VPS13D: variants seen among roughly 807,000 people sequenced by gnomAD.
VPS13D encodes vacuolar protein sorting 13 homolog D.
In VPS13D, 187 loss-of-function variants were observed where a neutral mutation model predicts 461.9. That is an observed-to-expected ratio of 0.40 (90% CI 0.36 to 0.46). The LOEUF (loss-of-function observed/expected upper bound fraction) is 0.46, where lower values mean the gene tolerates loss of function less well. VPS13D is among the 20% of genes least tolerant of loss of function. The pLI is 0.60. For missense variants in VPS13D, 4,711 were observed against 5,364.9 expected, an observed-to-expected ratio of 0.88 and a Z score of 3.81; for synonymous variants, 1,951 against 1,986.3, an observed-to-expected ratio of 0.98 and a Z score of 0.47.
chr1:12,343,748 C>T (rs149716090), intron 42 of VPS13D, among the ~76,000 whole-genome samples: 1,746 of 152,304 alleles, frequency 0.011, 22 homozygotes, highest in Non-Finnish European at 0.015. Flanking sequence ...ATTTATTTGA[C>T]ATATGAGGTG....
At chr1:12,297,289 A>G (rs1642304186) in intron 24 of VPS13D, among the ~76,000 whole-genome samples, 1 of 152,186 alleles carries the variant, frequency 6.6e-6, no homozygotes, top group Non-Finnish European at 1.5e-5. Flanking sequence ...TAAGAGTATC[A>G]GTTATACCAG....
chr1:12,369,542 G>A lies in VPS13D; in HGVS notation c.10648G>A (p.Asp3550Asn). Reference sequence around the variant, plus strand: ...TGAAGTGAAGCCCATGACTTCATTGGATTATGCCTGGGACGAACCCACCTT... The same window carrying A: ...TGAAGTGAAGCCCATGACTTCATTGAATTATGCCTGGGACGAACCCACCTT... Reference protein sequence around the residue: ...RTEVKPMTSLDYAWDEPTLPP... With the variant: ...RTEVKPMTSLNYAWDEPTLPP... The change falls in exon 54 of 70, where the codon GAT (aspartate) becomes AAT (asparagine). Residue 3550 changes from aspartate to asparagine, a missense_variant. Asp to Asn is a conservative substitution (Grantham distance 23, BLOSUM62 1). Transcript: ENST00000620676. The A allele has an allele frequency of 6.2e-7, 1 of 1,614,130 alleles. No homozygotes were observed. The highest frequency in any genetic ancestry group is 8.5e-7 in the Non-Finnish European group (1 of 1,180,044).
intron 5 of VPS13D, among the ~76,000 whole-genome samples, chr1:12,247,927 G>C (rs550034520): frequency 1.5e-4 from 23 of 150,152 alleles, no homozygotes; most frequent in Non-Finnish European, 2.8e-4. Flanking sequence ...CTGTTGCCCA[G>C]GCTGGAGTGC....
At chr1:12,294,286 A>AT (rs1351857083) in intron 24 of VPS13D, among the ~76,000 whole-genome samples, 1 of 152,258 alleles carries the variant, frequency 6.6e-6, no homozygotes, top group African/African-American at 2.4e-5. Context: ...CCTGTTAGGT[A>AT]TTGCATAACT....
intron 27 of VPS13D, 126 bp from the exon 28 acceptor site, chr1:12,311,328 T>C (rs1642742730): frequency 3.7e-6 from 3 of 805,066 alleles, no homozygotes; most frequent in Non-Finnish European, 5.5e-6. Context: ...TTTTTGTCAT[T>C]GGAAGTAGGA....
chr1:12,442,454 G>A (rs1645142825), intron 65 of VPS13D, among the ~76,000 whole-genome samples: 1 of 152,202 alleles, frequency 6.6e-6, no homozygotes, highest in Middle Eastern at 3.4e-3. Flanking sequence ...CTTATATTGT[G>A]TGTTTCAACA....
Position 12,244,554 on chromosome 1 carries a change from A to T in VPS13D, c.384A>T (p.Lys128Asn). Residue 128 changes from lysine to asparagine, a missense_variant, in exon 5 of 70, where the codon AAA becomes AAT. Physicochemically the swap from Lys to Asn is moderately conservative, Grantham distance 94 (BLOSUM62 0). This residue lies in a region of VPS13D where 4,411 missense variants were observed against 4,937.8 expected (regional missense o/e 0.89). Transcript: ENST00000620676. ...CTTTGTAGAATGACCGCCAGCAGAAAGGGGAGTCCTATTGGTATTCAGTTA... is the reference window on the plus strand; with the variant it reads ...CTTTGTAGAATGACCGCCAGCAGAATGGGGAGTCCTATTGGTATTCAGTTA... ...EEKWKNDRQQ[K>N]GESYWYSVTA... 6.2e-7 allele frequency: 1 copy of T among 1,614,228 alleles called. No homozygotes were observed. The highest frequency in any genetic ancestry group is 1.1e-5 in the South Asian group (1 of 91,080).
intron 35 of VPS13D, 109 bp downstream of exon 35, chr1:12,323,889 G>C: frequency 8.8e-7 from 1 of 1,141,196 alleles, no homozygotes; most frequent in Non-Finnish European, 1.3e-6. Context: ...TGTGTTTGGA[G>C]GACGCTTTAT....
chr1:12,441,075 G>A (rs1048985090), intron 65 of VPS13D, among the ~76,000 whole-genome samples: 17 of 151,960 alleles, frequency 1.1e-4, no homozygotes, highest in Non-Finnish European at 2.4e-4. Context: ...ACAGGTATGC[G>A]CCACCATGCC....
At chr1:12,383,907 C>G (rs934352978) in intron 58 of VPS13D, among the ~76,000 whole-genome samples, 1 of 152,194 alleles carries the variant, frequency 6.6e-6, no homozygotes, top group Non-Finnish European at 1.5e-5. Context: ...GAGTGATCCT[C>G]AGCCCAAGTG....
intron 57 of VPS13D, among the ~76,000 whole-genome samples, chr1:12,382,513 C>T (rs1237599461): frequency 6.6e-6 from 1 of 152,130 alleles, no homozygotes; most frequent in Non-Finnish European, 1.5e-5. Context: ...GTTGTCCAGC[C>T]ATAGGCCTGT....
chr1:12,401,305 C>A (rs557007567), intron 61 of VPS13D, among the ~76,000 whole-genome samples: 1 of 152,156 alleles, frequency 6.6e-6, no homozygotes. Context: ...TAGCTGCCAT[C>A]CATCTGAGCA....
At chr1:12,440,831 G>A (rs543443618) in intron 65 of VPS13D, among the ~76,000 whole-genome samples, 7 of 149,162 alleles carry the variant, frequency 4.7e-5, no homozygotes, top group Middle Eastern at 3.4e-3. Context: ...AGCTGAGATC[G>A]TGCCACTGCA....
At chr1:12,246,247 AT>A (rs1640547696) in intron 5 of VPS13D, among the ~76,000 whole-genome samples, 1 of 152,152 alleles carries the variant, frequency 6.6e-6, no homozygotes, top group South Asian at 2.1e-4. Flanking sequence ...AGACTGGGAG[AT>A]TGAGCCTTAC....
intron 57 of VPS13D, among the ~76,000 whole-genome samples, chr1:12,382,024 C>CCTTT (rs201797866): frequency 7.0e-6 from 1 of 142,152 alleles, no homozygotes; most frequent in African/African-American, 2.6e-5. Flanking sequence ...TTCCTTCCTT[C>CCTTT]CTTTCTTTCT....
chr1:12,396,467 G>C (rs1570089428), intron 60 of VPS13D, among the ~76,000 whole-genome samples: 1 of 152,076 alleles, frequency 6.6e-6, no homozygotes, highest in African/African-American at 2.4e-5. Flanking sequence ...ACTTCTATCT[G>C]TTTGTAACAT....
intron 67 of VPS13D, among the ~76,000 whole-genome samples, chr1:12,476,226 A>T (rs1270871880): frequency 6.6e-6 from 1 of 152,228 alleles, no homozygotes; most frequent in African/African-American, 2.4e-5. Flanking sequence ...TTAGAATTGC[A>T]TGTTCCTGGA....
chr1:12,378,150 G>GA (rs989588442), intron 55 of VPS13D, among the ~76,000 whole-genome samples: 1 of 151,988 alleles, frequency 6.6e-6, no homozygotes, highest in Non-Finnish European at 1.5e-5. Flanking sequence ...TCTAAAAAAG[G>GA]AAAAAAACTC....
At chr1:12,420,779 C>A (rs1483485782) in intron 65 of VPS13D, among the ~76,000 whole-genome samples, 3 of 152,120 alleles carry the variant, frequency 2.0e-5, no homozygotes, top group Non-Finnish European at 2.9e-5. Context: ...TTGTTTTTAA[C>A]ATTTATGAAA....
Sources: allele counts gnomAD v4.1 joint callset (sites outside exome capture counted in the v4.1 genomes callset), GRCh38; gene constraint gnomAD v4.1.1; regional missense constraint gnomAD v4.1.1; transcripts MANE v1.5; gene names NCBI Gene and HGNC (gene_info 2026-07-23, HGNC 2026-07-21).